Variants in SCAPER observed in about 807,000 individuals in gnomAD.
The protein encoded by SCAPER is S phase cyclin A-associated protein in the endoplasmic reticulum.
A neutral mutation model predicts 182.2 loss-of-function variants in SCAPER; 98 were observed. The ratio of observed to expected loss-of-function variants is 0.54; its 90% CI spans 0.46 to 0.64. The LOEUF (loss-of-function observed/expected upper bound fraction) is 0.64, where lower values mean the gene tolerates loss of function less well. Among genes scored for constraint, SCAPER ranks in the 30% least tolerant of loss-of-function variants. SCAPER has a pLI of 0.00. For missense variants in SCAPER, 1,432 were observed against 1,690.0 expected (o/e 0.85, Z 2.68); for synonymous variants, 605 against 564.6 (o/e 1.07, Z -1.01).
At chr15:76,784,412 C>T (rs1035744481) in intron 8 of SCAPER, among the ~76,000 whole-genome samples, 1 of 152,192 alleles carries the variant, frequency 6.6e-6, no homozygotes, top group African/African-American at 2.4e-5. Flanking sequence ...AAGAATATTC[C>T]ATGCTCATGG....
chr15:76,617,962 T>A (rs1276675133), intron 22 of SCAPER, among the ~76,000 whole-genome samples: 1 of 152,156 alleles, frequency 6.6e-6, no homozygotes, highest in Non-Finnish European at 1.5e-5. Flanking sequence ...TAGACTGTTT[T>A]AAAAAATCTC....
intron 10 of SCAPER, 66 bp downstream of exon 10, chr15:76,771,676 G>T: frequency 9.0e-7 from 1 of 1,106,974 alleles, no homozygotes; most frequent in Non-Finnish European, 1.4e-6. Flanking sequence ...TTATTATTGG[G>T]GTTTATGCTT....
chr15:76,844,535 T>C (rs1599051752), intron 4 of SCAPER, among the ~76,000 whole-genome samples: 1 of 152,150 alleles, frequency 6.6e-6, no homozygotes, highest in East Asian at 1.9e-4. Context: ...AAGGAGACAT[T>C]ACAACTGATA....
chr15:76,853,711 T>C (rs915199633), intron 4 of SCAPER, among the ~76,000 whole-genome samples: 2 of 152,084 alleles, frequency 1.3e-5, no homozygotes, highest in Non-Finnish European at 2.9e-5. Context: ...GCCAACATCA[T>C]ACTGAAAAGG....
intron 21 of SCAPER, among the ~76,000 whole-genome samples, chr15:76,623,217 A>G (rs968038369): frequency 6.6e-6 from 1 of 152,134 alleles, no homozygotes; most frequent in African/African-American, 2.4e-5. Context: ...CACTCCATTG[A>G]CAGTTTCTTT....
In SCAPER at chr15:76,765,432, A is replaced by G; in HGVS notation, c.1518T>C (p.Asn506=). ...DYEARESWRQ[N]TSWGDIVEEE... Reference sequence around the variant, plus strand: ...CTTCTACAATGTCCCCCCAGGATGTATTTTGGCGCCAAGACTCACGAGCTG... The same window carrying G: ...CTTCTACAATGTCCCCCCAGGATGTGTTTTGGCGCCAAGACTCACGAGCTG... The change falls in exon 13 of 32, where the codon AAT becomes AAC. Residue 506 remains asparagine (N), a synonymous_variant. Transcript: ENST00000563290. The G allele has an allele frequency of 1.2e-6, 2 of 1,613,938 alleles. No homozygotes were observed. Among genetic ancestry groups the G allele is most frequent in the Non-Finnish European group, 1.7e-6 (2 of 1,179,844 alleles).
At chr15:76,889,402 A>C (rs764692789) in intron 1 of SCAPER, among the ~76,000 whole-genome samples, 24 of 152,226 alleles carry the variant, frequency 1.6e-4, no homozygotes, top group Non-Finnish European at 3.2e-4. Context: ...GTCAAGACCC[A>C]TCAGTGTGCT....
intron 20 of SCAPER, among the ~76,000 whole-genome samples, chr15:76,666,905 G>GTCC (rs2056614287): frequency 6.6e-6 from 1 of 152,108 alleles, no homozygotes; most frequent in Non-Finnish European, 1.5e-5. Flanking sequence ...CTAAGAGCAA[G>GTCC]TCCTCCAAAT....
intron 5 of SCAPER, among the ~76,000 whole-genome samples, chr15:76,817,906 T>C (rs939696285): frequency 3.3e-5 from 5 of 152,214 alleles, no homozygotes; most frequent in African/African-American, 1.2e-4. Flanking sequence ...TCAAACCTGA[T>C]TTATAAATTC....
chr15:76,717,186 A>G (rs2059934789), intron 17 of SCAPER, among the ~76,000 whole-genome samples: 1 of 150,992 alleles, frequency 6.6e-6, no homozygotes, highest in African/African-American at 2.4e-5. Context: ...TACTATACCA[A>G]GGAAAACTAT....
At chr15:76,414,889 T>TAA (rs2142259830) in intron 26 of SCAPER, among the ~76,000 whole-genome samples, 1 of 152,350 alleles carries the variant, frequency 6.6e-6, no homozygotes, top group South Asian at 2.1e-4. Flanking sequence ...CTTTATGTGT[T>TAA]TACTTAAGTT....
chr15:76,405,236 C>T (rs956590522), intron 26 of SCAPER, among the ~76,000 whole-genome samples: 11 of 151,234 alleles, frequency 7.3e-5, no homozygotes, highest in African/African-American at 2.4e-4. Context: ...GCCTCAGTCT[C>T]GCAAGTAGTT....
chr15:76,682,271 C>CG lies in SCAPER; in HGVS notation c.2509-16483_2509-16482insC, dbSNP rs561953963. ...GACAGAGCTCACCTCCCTTCCCCCC[C>CG]CCACCCCACAGTGTACGTGTGAGCA... On this transcript the variant is annotated intron_variant, in intron 20 of 31. Coordinates refer to ENST00000563290, the MANE Select transcript of SCAPER (RefSeq NM_020843.4). Among the ~76,000 whole-genome samples the CG allele has an allele frequency of 1.0e-3, 148 of 142,962 alleles. 9 individuals carry two copies. The South Asian group carries it at 0.037, about 36-fold the overall frequency. The allele number at this position is 142,962 out of a possible 152,430, so 93.8% of individuals were successfully genotyped here.
chr15:76,803,589 C>A (rs2065935468), intron 6 of SCAPER, among the ~76,000 whole-genome samples: 1 of 152,130 alleles, frequency 6.6e-6, no homozygotes, highest in African/African-American at 2.4e-5. Context: ...GTTCTGGATG[C>A]TGGGAAGTAC....
intron 22 of SCAPER, among the ~76,000 whole-genome samples, chr15:76,620,007 C>A (rs2051872590): frequency 6.6e-6 from 1 of 152,148 alleles, no homozygotes; most frequent in South Asian, 2.1e-4. Flanking sequence ...ACCTGGGAGG[C>A]AGAGGTTGCA....
At chr15:76,467,646 A>C (rs1226213899) in intron 25 of SCAPER, among the ~76,000 whole-genome samples, 2 of 152,036 alleles carry the variant, frequency 1.3e-5, no homozygotes, top group Admixed American at 6.6e-5. Flanking sequence ...AGCACCTATT[A>C]TGTGCTAGGT....
At chr15:76,745,292 T>TA (rs1192886356) in intron 15 of SCAPER, among the ~76,000 whole-genome samples, 2 of 151,654 alleles carry the variant, frequency 1.3e-5, no homozygotes, top group African/African-American at 2.4e-5. Context: ...AATAAAAAAA[T>TA]AAAAAAATTA....
At chr15:76,360,133 G>C (rs1410315509) in intron 29 of SCAPER, among the ~76,000 whole-genome samples, 1 of 152,226 alleles carries the variant, frequency 6.6e-6, no homozygotes, top group Non-Finnish European at 1.5e-5. Flanking sequence ...GGTTATAAGA[G>C]TTCTGGAAAA....
At chr15:76,898,730 A>C (rs1325926385) in intron 1 of SCAPER, among the ~76,000 whole-genome samples, 1 of 152,220 alleles carries the variant, frequency 6.6e-6, no homozygotes, top group Non-Finnish European at 1.5e-5. Context: ...GGGTGGCTGT[A>C]GCTGGAGATA....
Sources: gnomAD v4.1 joint callset for allele counts (sites outside exome capture counted in the v4.1 genomes callset) on GRCh38, gnomAD v4.1.1 for gene constraint, MANE v1.5 for transcripts, NCBI Gene and HGNC (gene_info 2026-07-23, HGNC 2026-07-21) for gene names.